The following F8 variants were observed in gnomAD, a reference collection of about 807,000 sequenced individuals.
The protein encoded by F8 is coagulation factor VIII, also known as antihemophilic factor.
A neutral mutation model predicts 140.6 loss-of-function variants in F8; 12 were observed. The observed-to-expected ratio is 0.09, with a 90% CI of 0.05 to 0.14. The LOEUF is 0.14. Among genes scored for constraint, F8 ranks in the 10% least tolerant of loss-of-function variants. F8 has a pLI of 1.00. For missense variants in F8, 1,354 were observed against 1,720.7 expected (o/e 0.79, Z 3.77); for synonymous variants, 585 against 614.6 (o/e 0.95, Z 0.71).
In F8 at chrX:154,982,099, G is replaced by A. The variant is rs372996456; in HGVS notation, c.787+2588C>T. Among the ~76,000 whole-genome samples the A allele has an allele frequency of 1.0e-4, 11 of 110,144 alleles. No homozygotes were observed. In the East Asian group the frequency reaches 1.7e-3, roughly 17 times the overall value. On this transcript the variant is annotated intron_variant, in intron 6 of 25. Transcript: ENST00000360256. ...CTTGGGAGGCTGGGGCAGGAGAATC[G>A]CTTGAACCCAAGAGGGGGAAGTTGC...
At chrX:154,848,228 G>A (rs1253237922) in intron 25 of F8, among the ~76,000 whole-genome samples, 5 of 112,871 alleles carry the variant, frequency 4.4e-5, no homozygotes, top group African/African-American at 1.6e-4. Context: ...GGCTACTCGG[G>A]GGTCAGGGAC....
At position 154,929,055 on chromosome X, in the gene F8, T is replaced by C. The variant is rs782725369; in HGVS notation, c.4735A>G (p.Lys1579Glu). 1.0e-4 allele frequency: 124 copies of C among 1,209,570 alleles called. No individual in the cohort carries two copies. Among genetic ancestry groups the C allele is most frequent in the Non-Finnish European group, 1.3e-4 (120 of 895,060 alleles). ...ATESSAKTPS[K>E]LLDPLAWDNH... is the part of the protein sequence containing the mutation. ...TCCCAAGCAAGAGGATCCAATAGCT[T>C]GGAGGGAGTCTTTGCAGAGCTTTCT... Residue 1579 changes from lysine to glutamate, a missense_variant, in exon 14 of 26, where the codon AAG (lysine) becomes GAG (glutamate). Lys to Glu is a moderately conservative substitution (Grantham distance 56). Around this residue, in one of 4 missense-constraint regions of F8, gnomAD observed 658 missense variants for 666.5 expected, o/e 0.99. Transcript: ENST00000360256.
intron 12 of F8, among the ~76,000 whole-genome samples, chrX:154,952,746 G>C (rs2073344211): frequency 9.1e-6 from 1 of 110,446 alleles, no homozygotes; most frequent in South Asian, 3.9e-4. Flanking sequence ...GTTTCACTAT[G>C]TTAGCCAGGA....
intron 15 of F8, 106 bp downstream of exon 15, chrX:154,906,314 A>T: frequency 2.8e-6 from 2 of 710,692 alleles, no homozygotes; most frequent in South Asian, 3.3e-5. Context: ...TTATGGAATT[A>T]TTTTTCTATA....
rs782710109 is a variant in F8 at position 154,888,380 on chromosome X, A to ATTTTTTTTTT, written c.6429+7687_6429+7696dup. ...ACAACAGCTTTTATTTGTAATAGGG[A>ATTTTTTTTTT]TTTTTTTTTTTTTTTTTTTTTTTTT... On this transcript the variant is annotated intron_variant, in intron 22 of 25. Coordinates refer to ENST00000360256, the MANE Select transcript of F8 (RefSeq NM_000132.4). Among the ~76,000 whole-genome samples, 39 of 22,234 alleles carry ATTTTTTTTTT rather than the reference A, an allele frequency of 1.8e-3. 4 individuals are homozygous for ATTTTTTTTTT. Among genetic ancestry groups the ATTTTTTTTTT allele is most frequent in the African/African-American group, 2.5e-3 (8 of 3,237 alleles). The allele number at this position is 22,234 out of a possible 115,157, so 19.3% of individuals were successfully genotyped here.
chrX:154,881,585 G>A (rs1325540770), intron 22 of F8, among the ~76,000 whole-genome samples: 1 of 110,922 alleles, frequency 9.0e-6, no homozygotes, highest in Non-Finnish European at 1.9e-5. Context: ...AATGCATGGC[G>A]GAGCGGGGGC....
At chrX:154,988,052 T>C (rs2073568782) in intron 4 of F8, among the ~76,000 whole-genome samples, 1 of 111,976 alleles carries the variant, frequency 8.9e-6, no homozygotes, top group Non-Finnish European at 1.9e-5. Flanking sequence ...CAGGCTGGGA[T>C]AAGAGACATA....
At chrX:154,865,426 T>C (rs1470599025) in intron 22 of F8, among the ~76,000 whole-genome samples, 1 of 111,122 alleles carries the variant, frequency 9.0e-6, no homozygotes, top group Non-Finnish European at 1.9e-5. Flanking sequence ...CATAGACTAT[T>C]GTAACACTAT....
intron 10 of F8, among the ~76,000 whole-genome samples, chrX:154,958,094 C>A (rs185541214): frequency 3.9e-4 from 43 of 110,678 alleles, no homozygotes; most frequent in African/African-American, 1.1e-3. Context: ...GGGAGGTGCC[C>A]AAATGCTGGT....
intron 5 of F8, 72 bp from the exon 6 acceptor site, chrX:154,984,875 T>A: frequency 4.9e-6 from 4 of 813,430 alleles, no homozygotes; most frequent in Non-Finnish European, 5.6e-6. Context: ...CCCTTTCTCC[T>A]TCCCTGCTCC....
intron 17 of F8, 54 bp downstream of exon 17, chrX:154,904,242 T>C: frequency 8.9e-7 from 1 of 1,122,262 alleles, no homozygotes. Flanking sequence ...GTCTCATTTG[T>C]CAAAGTGCAA....
Position 154,981,084 on chromosome X carries a change from G to C in F8, c.787+3603C>G, listed in dbSNP as rs917216639. Among the ~76,000 whole-genome samples, 6 of 111,794 alleles carry C rather than the reference G, an allele frequency of 5.4e-5. No homozygotes were observed. In the East Asian group the frequency reaches 1.7e-3, roughly 32 times the overall value. On this transcript the variant is annotated intron_variant, in intron 6 of 25. Coordinates refer to ENST00000360256, the MANE Select transcript of F8 (RefSeq NM_000132.4). ...TACTAATTAGTGGAGATCCACAGAG[G>C]GCACTCAGGCCATACGGGAGAGTTT...
At chrX:154,878,225 A>G (rs782142069) in intron 22 of F8, among the ~76,000 whole-genome samples, 3 of 111,142 alleles carry the variant, frequency 2.7e-5, no homozygotes, top group African/African-American at 9.8e-5. Flanking sequence ...AAATATTAGC[A>G]AACCAAATCC....
intron 22 of F8, among the ~76,000 whole-genome samples, chrX:154,892,738 T>C (rs1283211891): frequency 9.0e-6 from 1 of 111,662 alleles, no homozygotes; most frequent in African/African-American, 3.3e-5. Context: ...GAACAGAGTA[T>C]TACCATCCTG....
At chrX:154,942,326 A>G (rs1209571609) in intron 13 of F8, among the ~76,000 whole-genome samples, 1 of 111,223 alleles carries the variant, frequency 9.0e-6, no homozygotes. Context: ...AAAAAATGAT[A>G]AAGGGGATAT....
At chrX:155,008,474 G>A (rs1213177630) in intron 1 of F8, among the ~76,000 whole-genome samples, 5 of 111,648 alleles carry the variant, frequency 4.5e-5, no homozygotes, top group Non-Finnish European at 7.6e-5. Flanking sequence ...GAATGGCAGG[G>A]GCTGGGGGTG....
At chrX:154,938,422 C>T (rs2073235794) in intron 13 of F8, among the ~76,000 whole-genome samples, 1 of 111,499 alleles carries the variant, frequency 9.0e-6, no homozygotes, top group African/African-American at 3.3e-5. Context: ...ATCACTCCAT[C>T]AAAATTAATT....
chrX:155,022,307 G>T, intron 1 of F8, 103 bp downstream of exon 1: 1 of 858,382 alleles, frequency 1.2e-6, no homozygotes. Flanking sequence ...TGGGGCCCAG[G>T]TAGCATCACA....
intron 22 of F8, among the ~76,000 whole-genome samples, chrX:154,864,067 C>G (rs2072714003): frequency 8.9e-6 from 1 of 112,316 alleles, no homozygotes; most frequent in Admixed American, 9.4e-5. Context: ...TGGAAGCAGG[C>G]CCACCAACTA....
Sources: allele counts gnomAD v4.1 joint callset (sites outside exome capture counted in the v4.1 genomes callset), GRCh38; gene constraint gnomAD v4.1.1; regional missense constraint gnomAD v4.1.1; transcripts MANE v1.5; gene names NCBI Gene and HGNC (gene_info 2026-07-23, HGNC 2026-07-21).